EYS: variants seen among roughly 807,000 people sequenced by gnomAD.
EYS encodes the protein EGF-like photoreceptor maintenance factor, also known as protein eyes shut homolog.
EYS carries 250 observed loss-of-function variants against 282.1 expected under a neutral mutation model. The ratio of observed to expected loss-of-function variants is 0.89; its 90% CI spans 0.80 to 0.98. The LOEUF (loss-of-function observed/expected upper bound fraction) is 0.98. EYS is among the 50% of genes least tolerant of loss of function. The pLI is 0.00. For missense variants in EYS, 4,016 were observed against 3,709.0 expected (o/e 1.08, Z -2.15); for synonymous variants, 1,355 against 1,282.9 (o/e 1.06, Z -1.20).
intron 30 of EYS, among the ~76,000 whole-genome samples, chr6:64,297,380 C>T (rs1427588045): frequency 8.7e-5 from 7 of 80,046 alleles, no homozygotes; most frequent in Admixed American, 8.5e-4. Flanking sequence ...AAATGGCCAT[C>T]CATGCCCAGG....
intron 18 of EYS, among the ~76,000 whole-genome samples, chr6:64,901,281 C>T (rs1159739880): frequency 1.2e-5 from 1 of 84,990 alleles, no homozygotes; most frequent in African/African-American, 6.0e-5. Context: ...AGGAGAAATA[C>T]CTATGTAGTT....
chr6:64,011,663 T>C (rs1432106921), intron 33 of EYS, among the ~76,000 whole-genome samples: 1 of 152,110 alleles, frequency 6.6e-6, no homozygotes, highest in Non-Finnish European at 1.5e-5. Flanking sequence ...GTTTTATTTG[T>C]CAAATCTGGT....
chr6:63,900,993 C>A (rs1185492625), intron 35 of EYS, among the ~76,000 whole-genome samples: 1 of 152,094 alleles, frequency 6.6e-6, no homozygotes, highest in East Asian at 1.9e-4. Context: ...ATGAGACCTG[C>A]AAAGAAACAA....
chr6:65,191,525 A>C (rs1451088079), intron 12 of EYS, among the ~76,000 whole-genome samples: 2 of 151,862 alleles, frequency 1.3e-5, no homozygotes, highest in African/African-American at 4.8e-5. Flanking sequence ...GGAACAAATT[A>C]TGTTCTTTCA....
intron 35 of EYS, among the ~76,000 whole-genome samples, chr6:63,951,943 C>T (rs1762799869): frequency 6.6e-6 from 1 of 152,130 alleles, no homozygotes; most frequent in Admixed American, 6.5e-5. Flanking sequence ...TTTTATTACC[C>T]AATCTGCTCC....
At chr6:65,659,772 T>G in intron 1 of EYS, among the ~76,000 whole-genome samples, 1 of 151,756 alleles carries the variant, frequency 6.6e-6, no homozygotes, top group South Asian at 2.1e-4. Flanking sequence ...ACTTACTATT[T>G]TATTTATTTA....
At chr6:63,743,734 A>C (rs976720542) in intron 41 of EYS, among the ~76,000 whole-genome samples, 1 of 152,224 alleles carries the variant, frequency 6.6e-6, no homozygotes, top group African/African-American at 2.4e-5. Context: ...CATTCTTACT[A>C]AGATTCTGGG....
rs115217032 is a variant in EYS at position 63,977,693 on chromosome 6, C to T, written c.7055+6690G>A. Among the ~76,000 whole-genome samples, 99 of 152,126 alleles carry T rather than the reference C, an allele frequency of 6.5e-4. 1 individual carries two copies. The highest frequency in any genetic ancestry group is 2.3e-3 in the African/African-American group (95 of 41,558). On this transcript the variant is annotated intron_variant, in intron 35 of 42. Coordinates refer to ENST00000503581, the MANE Select transcript of EYS (RefSeq NM_001142800.2). ...TTGGAGCAAGGCTTTGTGAGGACTCCTGCATGTATCTGACAAGAGATCCAG... is the reference window on the plus strand; with the variant it reads ...TTGGAGCAAGGCTTTGTGAGGACTCTTGCATGTATCTGACAAGAGATCCAG...
At chr6:64,401,608 C>T (rs939596376) in intron 28 of EYS, among the ~76,000 whole-genome samples, 1 of 151,610 alleles carries the variant, frequency 6.6e-6, no homozygotes, top group East Asian at 1.9e-4. Flanking sequence ...TAACAAATTA[C>T]CCCATATATC....
intron 8 of EYS, among the ~76,000 whole-genome samples, chr6:65,367,230 A>G (rs1764945853): frequency 6.6e-6 from 1 of 151,634 alleles, no homozygotes; most frequent in Non-Finnish European, 1.5e-5. Context: ...GAGCTTTACC[A>G]TATGTACAGA....
intron 12 of EYS, among the ~76,000 whole-genome samples, chr6:65,059,564 T>C (rs551832488): frequency 6.6e-6 from 1 of 152,202 alleles, no homozygotes; most frequent in Non-Finnish European, 1.5e-5. Flanking sequence ...TTGAGAAAGA[T>C]AGTCTTGGGT....
intron 12 of EYS, among the ~76,000 whole-genome samples, chr6:65,255,734 G>A (rs905783469): frequency 5.9e-5 from 9 of 151,936 alleles, no homozygotes; most frequent in Admixed American, 1.3e-4. Context: ...ACATATAAAT[G>A]GCCAACAGGT....
In EYS at chr6:63,721,101, A is replaced by G. The variant is rs2149624350; in HGVS notation, c.8930T>C (p.Leu2977Pro). ...ATTTAAGGATATAGTAGTGAACTGG[A>G]GGTTTCTCATTCTATAATTTGGATC... ...YIDPNYRMRN[L>P]QFTTISLNFS... Residue 2977 changes from leucine (L) to proline (P), a missense_variant, in exon 43 of 43, where the codon CTC (leucine) becomes CCC (proline). Transcript: ENST00000503581. 1.3e-6 allele frequency: 2 copies of G among 1,551,368 alleles called. No individual in the cohort carries two copies. Among genetic ancestry groups the G allele is most frequent in the Admixed American group, 3.9e-5 (2 of 50,974 alleles).
intron 41 of EYS, among the ~76,000 whole-genome samples, chr6:63,734,905 G>A (rs991966403): frequency 3.3e-5 from 5 of 152,066 alleles, no homozygotes; most frequent in African/African-American, 1.2e-4. Context: ...CAATCAACAT[G>A]TTTGATATCA....
At chr6:65,640,658 A>G (rs1362328125) in intron 1 of EYS, among the ~76,000 whole-genome samples, 1 of 152,080 alleles carries the variant, frequency 6.6e-6, no homozygotes, top group Non-Finnish European at 1.5e-5. Context: ...ATATCATTTT[A>G]CTGTTTTCTG....
chr6:64,171,209 T>TAATAAAAA (rs954451611), intron 31 of EYS, among the ~76,000 whole-genome samples: 3 of 152,226 alleles, frequency 2.0e-5, no homozygotes, highest in African/African-American at 7.2e-5. Context: ...CAAATAATGA[T>TAATAAAAA]AATTACGGTA....
At chr6:65,225,798 C>G (rs1766609805) in intron 12 of EYS, among the ~76,000 whole-genome samples, 1 of 150,312 alleles carries the variant, frequency 6.7e-6, no homozygotes, top group South Asian at 2.1e-4. Context: ...ATGATCAACT[C>G]AATTGATGAA....
In EYS at chr6:65,182,071, G is replaced by T. The variant is rs182527512; in HGVS notation, c.2023+113792C>A. The stretch of plus-strand genomic sequence containing the variant: ...CGGGGCCTGTTTTGGGTAGGGGTAG[G>T]GGGGAGGGATAGCATTAGGAGATAT... On this transcript the variant is annotated intron_variant, in intron 12 of 42. Transcript: ENST00000503581. Among the ~76,000 whole-genome samples the T allele has an allele frequency of 1.9e-4, 29 of 151,988 alleles. 1 individual carries two copies. The South Asian group carries it at 4.8e-3, about 25-fold the overall frequency.
chr6:63,780,062 A>G (rs898878365), intron 39 of EYS, among the ~76,000 whole-genome samples: 5 of 152,132 alleles, frequency 3.3e-5, no homozygotes, highest in African/African-American at 1.2e-4. Flanking sequence ...CCATGTCCCT[A>G]CAAAGGACAT....
Sources: allele counts gnomAD v4.1 joint callset (sites outside exome capture counted in the v4.1 genomes callset), GRCh38; gene constraint gnomAD v4.1.1; transcripts MANE v1.5; gene names NCBI Gene and HGNC (gene_info 2026-07-23, HGNC 2026-07-21).